Variants in SOAT2 observed in about 807,000 individuals in gnomAD.
The protein encoded by SOAT2 is ACAT-2.
SOAT2 carries 87 observed loss-of-function variants against 76.0 expected under a neutral mutation model. The ratio of observed to expected loss-of-function variants is 1.14; its 90% CI spans 0.96 to 1.37. SOAT2 has a LOEUF of 1.37. SOAT2 is among the 40% of genes most tolerant of loss of function. The pLI is 0.00. For missense variants in SOAT2, 686 were observed against 682.1 expected, an observed-to-expected ratio of 1.01 and a Z score of -0.06; for synonymous variants, 285 against 275.4, an observed-to-expected ratio of 1.03 and a Z score of -0.34.
chr12:53,123,304 G>A, intron 13 of SOAT2, 88 bp downstream of exon 13: 1 of 1,530,690 alleles, frequency 6.5e-7, no homozygotes, highest in Middle Eastern at 1.7e-4. Context: ...ATGGTGGGAG[G>A]CCTCGCCCCC....
rs376386291 is a variant in SOAT2 at position 53,105,889 on chromosome 12, G to A, written c.336-18G>A. 4.6e-5 allele frequency: 74 copies of A among 1,602,826 alleles called. No homozygotes were observed. Among genetic ancestry groups the A allele is most frequent in the East Asian group, 2.2e-4 (10 of 44,844 alleles). ...TGAGGACCCTCCCACACTGACTTTC[G>A]GGCCCCTGTCCCTCTAGTGAGCTGA... On this transcript the variant is annotated intron_variant, in intron 4 of 14. Coordinates refer to ENST00000301466, the MANE Select transcript of SOAT2 (RefSeq NM_003578.4).
Position 53,124,297 on chromosome 12 carries a change from T to C in SOAT2, c.*174T>C, listed in dbSNP as rs1420147894. ...TGAGATCTGCAGACTTGTGGGTAAC[T>C]GATCACAGACCTCAGCATGGGGGTG... On this transcript the variant is annotated 3_prime_UTR_variant, in exon 15 of 15. Transcript: ENST00000301466. 1.4e-5 allele frequency: 9 copies of C among 655,908 alleles called. No homozygotes were observed. Among genetic ancestry groups the C allele is most frequent in the Non-Finnish European group, 2.4e-5 (9 of 368,658 alleles). The allele number at this position is 655,908 out of a possible 1,614,324, so 40.6% of individuals were successfully genotyped here.
At chr12:53,117,456 A>G (rs1435506219) in intron 7 of SOAT2, among the ~76,000 whole-genome samples, 1 of 152,026 alleles carries the variant, frequency 6.6e-6, no homozygotes, top group African/African-American at 2.4e-5. Context: ...CGAGGAGAAC[A>G]GAAGAGATGG....
At position 53,103,567 on chromosome 12, in the gene SOAT2, G is replaced by T; in HGVS notation, c.-11G>T. On this transcript the variant is annotated 5_prime_UTR_variant, in exon 1 of 15. Transcript: ENST00000301466. The stretch of plus-strand genomic sequence containing the variant: ...GGCAAGGGCTGCCTGCTGCCCGCTG[G>T]AGACCGCACCATGGAGCCAGGCGGG... 6.5e-7 allele frequency: 1 copy of T among 1,545,330 alleles called. No individual in the cohort carries two copies. The highest frequency in any genetic ancestry group is 8.7e-7 in the Non-Finnish European group (1 of 1,146,828).
intron 12 of SOAT2, 134 bp from the exon 13 acceptor site, chr12:53,122,947 T>A (rs1938215815): frequency 2.1e-6 from 2 of 964,826 alleles, no homozygotes; most frequent in African/African-American, 1.8e-5. Context: ...ACGGGGCGGC[T>A]GGCCGGGCGG....
At chr12:53,114,946 T>C (rs1565627495) in intron 5 of SOAT2, among the ~76,000 whole-genome samples, 1 of 152,246 alleles carries the variant, frequency 6.6e-6, no homozygotes, top group Admixed American at 6.5e-5. Context: ...CACTTAGTCC[T>C]TTACTAATGG....
At position 53,121,339 on chromosome 12, in the gene SOAT2, C is replaced by A; in HGVS notation, c.1174C>A (p.Arg392Ser). The change falls in exon 12 of 15, where the codon CGC becomes AGC. Residue 392 changes from arginine to serine, a missense_variant. Physicochemically the swap from Arg to Ser is moderately radical, Grantham distance 110 (BLOSUM62 -1). Coordinates refer to ENST00000301466, the MANE Select transcript of SOAT2 (RefSeq NM_003578.4). ...WNSTSFSNYYRTWNVVVHDWL... is the reference protein window; with the variant it reads ...WNSTSFSNYYSTWNVVVHDWL... The stretch of plus-strand genomic sequence containing the variant: ...CTCAACGTCCTTCTCCAACTACTAC[C>A]GCACTTGGAACGTGGTGGTCCATGA... The A allele has an allele frequency of 6.2e-7, 1 of 1,614,088 alleles. No homozygotes were observed. Among genetic ancestry groups the A allele is most frequent in the Non-Finnish European group, 8.5e-7 (1 of 1,179,966 alleles).
Position 53,115,570 on chromosome 12 carries a change from C to A in SOAT2, c.624C>A (p.Ala208=), listed in dbSNP as rs779013451. Residue 208 remains alanine (A), a synonymous_variant, in exon 6 of 15, where the codon GCC becomes GCA. Transcript: ENST00000301466. The part of the protein sequence containing the change: ...GLGCALLAAH[A]VVLCALPVHV... ...GCTGTGCGCTGCTAGCCGCCCACGC[C>A]GTGGTGCTCTGCGCGCTGCCGGTCC... 1.3e-6 allele frequency: 2 copies of A among 1,588,894 alleles called. No homozygotes were observed. The highest frequency in any genetic ancestry group is 8.5e-7 in the Non-Finnish European group (1 of 1,173,880).
intron 2 of SOAT2, 107 bp from the exon 3 acceptor site, chr12:53,105,000 A>C (rs60453304): frequency 1.3e-6 from 1 of 760,450 alleles, no homozygotes; most frequent in Non-Finnish European, 1.8e-6. Context: ...TTTTTTTTTT[A>C]AAAAAAGCAC....
In SOAT2 at chr12:53,105,635, T is replaced by C; in HGVS notation, c.335+15T>C. The C allele has an allele frequency of 6.2e-7, 1 of 1,603,862 alleles. No individual in the cohort carries two copies. Among genetic ancestry groups the C allele is most frequent in the Non-Finnish European group, 8.5e-7 (1 of 1,173,130 alleles). The stretch of plus-strand genomic sequence containing the variant: ...TCCCTGCTTGAGTAAGTCGGGGTGA[T>C]GACAAGTAATGGGAGGAAAAGAAAG... On this transcript the variant is annotated intron_variant, in intron 4 of 14. Transcript: ENST00000301466.
intron 5 of SOAT2, among the ~76,000 whole-genome samples, chr12:53,113,883 C>G (rs768359247): frequency 9.2e-5 from 14 of 152,172 alleles, no homozygotes; most frequent in Non-Finnish European, 1.9e-4. Flanking sequence ...CTTCTCTTAT[C>G]TCCTGCTAAA....
intron 5 of SOAT2, among the ~76,000 whole-genome samples, chr12:53,114,360 A>T (rs1186998328): frequency 6.6e-6 from 1 of 152,192 alleles, no homozygotes; most frequent in Non-Finnish European, 1.5e-5. Flanking sequence ...GCTCAAATAC[A>T]TGTTTTTGTG....
intron 12 of SOAT2, among the ~76,000 whole-genome samples, chr12:53,122,623 A>T (rs1938208806): frequency 6.6e-6 from 1 of 151,954 alleles, no homozygotes; most frequent in African/African-American, 2.4e-5. Context: ...GACACAGCAC[A>T]TGTTTCAGAG....
At position 53,121,247 on chromosome 12, in the gene SOAT2, C is replaced by G. The variant is rs756178903; in HGVS notation, c.1138-56C>G. 1.7e-5 allele frequency: 22 copies of G among 1,308,904 alleles called. No homozygotes were observed. In the African/African-American group the frequency reaches 2.3e-4, roughly 14 times the overall value. The allele number at this position is 1,308,904 out of a possible 1,614,324, so 81.1% of individuals were successfully genotyped here. A position where few individuals can be genotyped will look rare whatever the true frequency, so the allele number is the denominator to read the frequency against. ...GGCAGAGGGAGCAGTGGGGAGGAGC[C>G]GGAACCCAGATGCTTGCTTACCTCC... On this transcript the variant is annotated intron_variant, in intron 11 of 14. Coordinates refer to ENST00000301466, the MANE Select transcript of SOAT2 (RefSeq NM_003578.4).
intron 2 of SOAT2, 83 bp downstream of exon 2, chr12:53,104,289 C>T: frequency 4.8e-5 from 25 of 520,356 alleles, no homozygotes; most frequent in South Asian, 1.4e-4. Flanking sequence ...ATAAAGATGA[C>T]TTTTTTTTTT....
intron 6 of SOAT2, 34 bp downstream of exon 6, chr12:53,115,688 A>G (rs1396643362): frequency 1.4e-6 from 2 of 1,480,504 alleles, no homozygotes; most frequent in Admixed American, 2.4e-5. Context: ...GACAGGAAGG[A>G]ACCAGCTGGT....
chr12:53,124,087 G>A lies in SOAT2; in HGVS notation c.1533G>A (p.Gly511=), dbSNP rs777901046. ...CTCTGGCTCAGGCAACTTTCTGGGG[G>A]CTGGTGACACCTCGATCTTGGTCCT... is the stretch of plus-strand genomic sequence containing the variant. The part of the protein sequence containing the change: ...HCPLPQATFW[G]LVTPRSWSCH... Residue 511 remains glycine (G), a synonymous_variant, in exon 15 of 15, where the codon GGG becomes GGA. Coordinates refer to ENST00000301466, the MANE Select transcript of SOAT2 (RefSeq NM_003578.4). 6 of 1,614,086 alleles carry A rather than the reference G, an allele frequency of 3.7e-6. No individual in the cohort carries two copies. The highest frequency in any genetic ancestry group is 1.3e-5 in the African/African-American group (1 of 74,922).
At chr12:53,124,530 TATTCATTCATTC>T (rs34506725) in exon 15 of SOAT2, 5,698 of 182,150 alleles carry the variant, frequency 0.031, 349 homozygotes, top group African/African-American at 0.13. Context: ...TCTCCCTTTT[TATTCATTCATTC>T]ATTCATTCAT....
Position 53,116,091 on chromosome 12 carries a change from C to G in SOAT2, c.709-6C>G. 3 of 1,613,810 alleles carry G rather than the reference C, an allele frequency of 1.9e-6. No homozygotes were observed. The highest frequency in any genetic ancestry group is 2.5e-6 in the Non-Finnish European group (3 of 1,179,696). On this transcript the variant is annotated splice_region_variant and splice_polypyrimidine_tract_variant and intron_variant, in intron 6 of 14. Transcript: ENST00000301466. ...CAACTTTTCCTCCCCTTCCATTCTG[C>G]CACAGGTTAGGTTCCTGATGAAAAG...
Sources: allele counts gnomAD v4.1 joint callset (sites outside exome capture counted in the v4.1 genomes callset), GRCh38; gene constraint gnomAD v4.1.1; transcripts MANE v1.5; gene names NCBI Gene and HGNC (gene_info 2026-07-23, HGNC 2026-07-21).